Variants in MCM9 observed in about 807,000 individuals in gnomAD.
MCM9 encodes the protein DNA helicase MCM9.
A neutral mutation model predicts 72.8 loss-of-function variants in MCM9; 55 were observed. The ratio of observed to expected loss-of-function variants is 0.76; its 90% CI spans 0.61 to 0.95. The LOEUF (loss-of-function observed/expected upper bound fraction) is 0.95. MCM9 is among the 40% of genes least tolerant of loss of function. The pLI is 0.00. For missense variants in MCM9, 1,279 were observed against 1,377.0 expected (o/e 0.93, Z 1.13); for synonymous variants, 480 against 503.4 (o/e 0.95, Z 0.62).
intron 8 of MCM9, among the ~76,000 whole-genome samples, chr6:118,862,918 G>C (rs1246285080): frequency 6.6e-6 from 1 of 152,064 alleles, no homozygotes; most frequent in African/African-American, 2.4e-5. Context: ...AAGTAAAAGA[G>C]AAATAAAGAC....
rs952806263 is a variant in MCM9 at position 118,882,802 on chromosome 6, G to A, written c.1151-26257C>T. 3.9e-5 allele frequency among the ~76,000 whole-genome samples: 6 copies of A among 152,026 alleles called. No individual in the cohort carries two copies. In the East Asian group the frequency reaches 7.7e-4, roughly 20 times the overall value. On this transcript the variant is annotated intron_variant, in intron 8 of 13. Coordinates refer to ENST00000619706, the MANE Select transcript of MCM9 (RefSeq NM_017696.3). ...ACACAGACTTCAAGAAATGAACCTA[G>A]CCAAGTTACTAAACAAGCAAACAAC...
At chr6:118,857,191 G>C (rs1776615496) in intron 8 of MCM9, among the ~76,000 whole-genome samples, 1 of 152,160 alleles carries the variant, frequency 6.6e-6, no homozygotes, top group African/African-American at 2.4e-5. Context: ...CAGAGGGTGT[G>C]TACTATACGC....
chr6:118,847,087 CAGA>C (rs1229965097), intron 9 of MCM9, among the ~76,000 whole-genome samples: 1 of 151,634 alleles, frequency 6.6e-6, no homozygotes, highest in Non-Finnish European at 1.5e-5. Flanking sequence ...CACCAAAAAG[CAGA>C]AGATGTATAT....
intron 9 of MCM9, among the ~76,000 whole-genome samples, chr6:118,832,575 T>C (rs755423882): frequency 1.3e-5 from 2 of 152,240 alleles, no homozygotes; most frequent in Non-Finnish European, 2.9e-5. Flanking sequence ...CATATTTCTT[T>C]TGTATTAAAC....
chr6:118,821,655 T>C lies in MCM9; in HGVS notation c.1961+4492A>G, dbSNP rs559616756. Among the ~76,000 whole-genome samples the C allele has an allele frequency of 2.0e-5, 3 of 152,298 alleles. No homozygotes were observed. The East Asian group carries it at 5.8e-4, about 29-fold the overall frequency. On this transcript the variant is annotated intron_variant, in intron 13 of 13. Coordinates refer to ENST00000619706, the MANE Select transcript of MCM9 (RefSeq NM_017696.3). Reference sequence around the variant, plus strand: ...TGGTGTTCTCTGTATTTCCTGAATTTGAATGTTGGCTTGTCTTGCTAAGTT... The same window carrying C: ...TGGTGTTCTCTGTATTTCCTGAATTCGAATGTTGGCTTGTCTTGCTAAGTT...
intron 8 of MCM9, among the ~76,000 whole-genome samples, chr6:118,874,509 C>T (rs1305323773): frequency 6.6e-6 from 1 of 152,148 alleles, no homozygotes; most frequent in African/African-American, 2.4e-5. Flanking sequence ...TTGAAGCTTT[C>T]CCACCAAAAT....
chr6:118,843,701 T>C (rs1472404592), intron 9 of MCM9, among the ~76,000 whole-genome samples: 1 of 90,022 alleles, frequency 1.1e-5, no homozygotes, highest in Non-Finnish European at 2.1e-5. Flanking sequence ...TATATATATA[T>C]ATGTATGTAT....
rs1177397729 is a variant in MCM9, at chr6:118,916,691, AG to A, written c.904+869del. Among the ~76,000 whole-genome samples, 4 of 152,106 alleles carry A rather than the reference AG, an allele frequency of 2.6e-5. No homozygotes were observed. In the East Asian group the frequency reaches 7.7e-4, roughly 29 times the overall value. ...TAATTTTTGTATTTTTAATAGAGAC[AG>A]GGTTTCACCATGTTGGCCAGGCTGG... On this transcript the variant is annotated intron_variant, in intron 6 of 13. Transcript: ENST00000619706.
At position 118,829,259 on chromosome 6, in the gene MCM9, A is replaced by T; in HGVS notation, c.1326-9T>A. 6.5e-7 allele frequency: 1 copy of T among 1,546,340 alleles called. No individual in the cohort carries two copies. Reference sequence around the variant, plus strand: ...TCAGCTTGCACACGAGGCTGCCAGGAGAGACAGTACAATTCACTGATTGTG... The same window carrying T: ...TCAGCTTGCACACGAGGCTGCCAGGTGAGACAGTACAATTCACTGATTGTG... On this transcript the variant is annotated splice_polypyrimidine_tract_variant and intron_variant, in intron 9 of 13. Coordinates refer to ENST00000619706, the MANE Select transcript of MCM9 (RefSeq NM_017696.3).
chr6:118,857,133 T>C (rs1776611500), intron 8 of MCM9, among the ~76,000 whole-genome samples: 2 of 152,212 alleles, frequency 1.3e-5, no homozygotes, highest in Admixed American at 1.3e-4. Flanking sequence ...TCTGGTCGAG[T>C]GGTCTAAACT....
chr6:118,930,329 G>A (rs1021073397), intron 3 of MCM9, among the ~76,000 whole-genome samples: 3 of 152,028 alleles, frequency 2.0e-5, no homozygotes, highest in East Asian at 1.9e-4. Flanking sequence ...AGCCAGGATG[G>A]TCTCGATTTC....
At chr6:118,846,545 A>G (rs1775878915) in intron 9 of MCM9, among the ~76,000 whole-genome samples, 1 of 151,822 alleles carries the variant, frequency 6.6e-6, no homozygotes, top group Non-Finnish European at 1.5e-5. Flanking sequence ...GAGGGGCCTG[A>G]AAGTTCCGGG....
chr6:118,905,278 ATACT>A (rs973867239), intron 8 of MCM9, among the ~76,000 whole-genome samples: 6 of 152,236 alleles, frequency 3.9e-5, no homozygotes, highest in Admixed American at 1.3e-4. Flanking sequence ...AGATCATTTA[ATACT>A]TACTAATTTA....
intron 6 of MCM9, among the ~76,000 whole-genome samples, chr6:118,916,462 T>TATTATG (rs1780965365): frequency 8.3e-6 from 1 of 121,172 alleles, no homozygotes; most frequent in Non-Finnish European, 1.7e-5. Flanking sequence ...TTATTATTAT[T>TATTATG]ATTATTATTA....
intron 9 of MCM9, among the ~76,000 whole-genome samples, chr6:118,838,287 T>A (rs901817670): frequency 1.3e-5 from 2 of 151,734 alleles, no homozygotes; most frequent in Admixed American, 1.3e-4. Context: ...CTCAGCCTCC[T>A]GAGTAGATGG....
rs957293290 is a variant in MCM9 at position 118,907,496 on chromosome 6, G to A, written c.1150+4154C>T. ...GAAAAACTGGAAGATGCAGAGAGCA[G>A]TAATCCAAATCTACAGTCACTTCTT... is the stretch of plus-strand genomic sequence containing the variant. On this transcript the variant is annotated intron_variant, in intron 8 of 13. Transcript: ENST00000619706. The A allele has an allele frequency of 1.9e-6, 3 of 1,613,482 alleles. No homozygotes were observed. Among genetic ancestry groups the A allele is most frequent in the Non-Finnish European group, 2.5e-6 (3 of 1,179,676 alleles).
chr6:118,841,341 A>G (rs1350698615), intron 9 of MCM9, among the ~76,000 whole-genome samples: 1 of 152,116 alleles, frequency 6.6e-6, no homozygotes, highest in Non-Finnish European at 1.5e-5. Flanking sequence ...GGTTGGCTGG[A>G]CAGAAGGACT....
intron 9 of MCM9, among the ~76,000 whole-genome samples, chr6:118,831,153 A>G (rs2638537): frequency 0.81 from 122,495 of 151,958 alleles, 49,818 homozygotes; most frequent in South Asian, 0.92. Context: ...AGGAGTTTGA[A>G]ACCAGCCTAG....
At chr6:118,902,443 C>G (rs6930200) in intron 8 of MCM9, among the ~76,000 whole-genome samples, 1 of 151,820 alleles carries the variant, frequency 6.6e-6, no homozygotes, top group Non-Finnish European at 1.5e-5. Context: ...AGGACTTGCT[C>G]TGACCCACAG....
Sources: allele counts gnomAD v4.1 joint callset (sites outside exome capture counted in the v4.1 genomes callset), GRCh38; gene constraint gnomAD v4.1.1; transcripts MANE v1.5; gene names NCBI Gene and HGNC (gene_info 2026-07-23, HGNC 2026-07-21).